The following CADPS variants were observed in gnomAD, a reference collection of about 807,000 sequenced individuals.
The protein encoded by CADPS is calcium-dependent secretion activator 1.
A neutral mutation model predicts 167.3 loss-of-function variants in CADPS; 57 were observed. That is an observed-to-expected ratio of 0.34 (90% CI 0.28 to 0.42). The LOEUF (loss-of-function observed/expected upper bound fraction) is 0.42, where lower values mean the gene tolerates loss of function less well. CADPS is among the 20% of genes least tolerant of loss of function. CADPS has a pLI of 1.00. For missense variants in CADPS, 1,414 were observed against 1,738.1 expected, an observed-to-expected ratio of 0.81 and a Z score of 3.32; for synonymous variants, 676 against 635.3, an observed-to-expected ratio of 1.06 and a Z score of -0.96.
intron 3 of CADPS, among the ~76,000 whole-genome samples, chr3:62,748,168 CAAAAAAAAAAA>C (rs139568165): frequency 6.3e-5 from 4 of 63,188 alleles, no homozygotes; most frequent in Admixed American, 1.9e-4. Context: ...ACTAAAATTA[CAAAAAAAAAAA>C]AAAAAAAAAA....
intron 6 of CADPS, among the ~76,000 whole-genome samples, chr3:62,623,482 A>C (rs2063492068): frequency 6.6e-6 from 1 of 152,152 alleles, no homozygotes; most frequent in Admixed American, 6.5e-5. Context: ...ATCAAGTCCT[A>C]TCCCTGGACA....
intron 9 of CADPS, among the ~76,000 whole-genome samples, chr3:62,567,564 CTTTTTTTTTT>C (rs10561022): frequency 2.7e-4 from 9 of 33,848 alleles, no homozygotes; most frequent in East Asian, 2.5e-3. Flanking sequence ...CTAAGCACTG[CTTTTTTTTTT>C]TTTTTTTTTT....
intron 8 of CADPS, among the ~76,000 whole-genome samples, chr3:62,577,683 C>A (rs1372885644): frequency 2.6e-5 from 4 of 152,230 alleles, no homozygotes; most frequent in Non-Finnish European, 5.9e-5. Flanking sequence ...AAATACTGCA[C>A]ATGTATTAGC....
rs1015685992 is a variant in CADPS at position 62,631,003 on chromosome 3, A to AT, written c.1325+14718dup. ...TTTCCATTTTAAATATGGGTCAAAT[A>AT]TTTTTTTTTTAGTTTATTTTTAAAA... is the stretch of plus-strand genomic sequence containing the variant. On this transcript the variant is annotated intron_variant, in intron 6 of 29. Transcript: ENST00000383710. Among the ~76,000 whole-genome samples the AT allele has an allele frequency of 3.0e-3, 455 of 149,964 alleles. 2 individuals are homozygous for AT. Among genetic ancestry groups the AT allele is most frequent in the African/African-American group, 0.011 (432 of 41,000 alleles).
chr3:62,677,433 A>AG (rs1409776830), intron 3 of CADPS, among the ~76,000 whole-genome samples: 4 of 152,126 alleles, frequency 2.6e-5, no homozygotes, highest in Admixed American at 6.5e-5. Flanking sequence ...TGGATAGGGA[A>AG]GGGGGAGCAA....
chr3:62,661,912 C>T (rs1324687277), intron 4 of CADPS, among the ~76,000 whole-genome samples: 2 of 152,068 alleles, frequency 1.3e-5, no homozygotes, highest in Non-Finnish European at 2.9e-5. Context: ...AGGTTTCATC[C>T]ACAGTGATTG....
intron 28 of CADPS, among the ~76,000 whole-genome samples, chr3:62,418,882 A>T (rs956921145): frequency 6.6e-6 from 1 of 152,152 alleles, no homozygotes; most frequent in Non-Finnish European, 1.5e-5. Flanking sequence ...AACTTCTGAA[A>T]CTGCGGAATG....
At chr3:62,560,713 AC>A (rs139609277) in intron 9 of CADPS, among the ~76,000 whole-genome samples, 10 of 152,290 alleles carry the variant, frequency 6.6e-5, no homozygotes, top group Non-Finnish European at 1.3e-4. Flanking sequence ...CCTCAGACAC[AC>A]CTTTAAAAAT....
chr3:62,844,015 C>A (rs2077014651), intron 1 of CADPS, among the ~76,000 whole-genome samples: 1 of 152,094 alleles, frequency 6.6e-6, no homozygotes, highest in African/African-American at 2.4e-5. Flanking sequence ...AAATTTGAAA[C>A]CTTAATCCAA....
intron 5 of CADPS, 112 bp from the exon 6 acceptor site, chr3:62,645,955 G>C: frequency 8.3e-7 from 1 of 1,208,742 alleles, no homozygotes; most frequent in Non-Finnish European, 1.2e-6. Context: ...GTATCTGATG[G>C]CTTCTGTTAG....
intron 3 of CADPS, among the ~76,000 whole-genome samples, chr3:62,685,090 G>A (rs2151121797): frequency 6.6e-6 from 1 of 152,138 alleles, no homozygotes; most frequent in East Asian, 1.9e-4. Context: ...AAGATAGTAA[G>A]GGATTCACCC....
intron 28 of CADPS, among the ~76,000 whole-genome samples, chr3:62,408,073 T>G (rs1219463899): frequency 6.6e-6 from 1 of 152,212 alleles, no homozygotes; most frequent in Non-Finnish European, 1.5e-5. Context: ...AAGACATTTT[T>G]TTGATCCTCC....
At chr3:62,644,732 C>T (rs974858374) in intron 6 of CADPS, among the ~76,000 whole-genome samples, 6 of 152,176 alleles carry the variant, frequency 3.9e-5, no homozygotes, top group Non-Finnish European at 7.3e-5. Flanking sequence ...ATGCTCTCCA[C>T]CCATCCCCAC....
At chr3:62,557,638 C>G in intron 9 of CADPS, 125 bp from the exon 10 acceptor site, 1 of 729,538 alleles carries the variant, frequency 1.4e-6, no homozygotes, top group Admixed American at 2.0e-5. Context: ...GTTTTGCTAC[C>G]TCCTGGCTGT....
At chr3:62,664,242 G>A (rs956725873) in intron 3 of CADPS, among the ~76,000 whole-genome samples, 14 of 152,298 alleles carry the variant, frequency 9.2e-5, no homozygotes, top group Middle Eastern at 3.4e-3. Context: ...TCCTGACCTC[G>A]TGATACGCCT....
At chr3:62,863,061 A>T (rs1180909826) in intron 1 of CADPS, among the ~76,000 whole-genome samples, 3 of 152,234 alleles carry the variant, frequency 2.0e-5, no homozygotes, top group African/African-American at 7.2e-5. Context: ...ACAATCATGA[A>T]CTCATGTATC....
chr3:62,864,733 G>A (rs1341827405), intron 1 of CADPS, among the ~76,000 whole-genome samples: 1 of 152,046 alleles, frequency 6.6e-6, no homozygotes, highest in African/African-American at 2.4e-5. Context: ...CTGAGGCAGT[G>A]GGGGTTAGGA....
At chr3:62,441,378 G>A (rs888371718) in intron 27 of CADPS, among the ~76,000 whole-genome samples, 1 of 152,184 alleles carries the variant, frequency 6.6e-6, no homozygotes, top group Non-Finnish European at 1.5e-5. Context: ...ATCTGAACTT[G>A]CCCCTACCGG....
chr3:62,725,154 T>C (rs1456945627), intron 3 of CADPS, among the ~76,000 whole-genome samples: 2 of 148,950 alleles, frequency 1.3e-5, no homozygotes, highest in Non-Finnish European at 3.0e-5. Context: ...TCTTGCTTCC[T>C]TTATCAAAAA....
Sources: gnomAD v4.1 joint callset for allele counts (sites outside exome capture counted in the v4.1 genomes callset) on GRCh38, gnomAD v4.1.1 for gene constraint, MANE v1.5 for transcripts, NCBI Gene and HGNC (gene_info 2026-07-23, HGNC 2026-07-21) for gene names.